Variants in PLEKHM3 observed in about 807,000 individuals in gnomAD.
PLEKHM3 encodes the protein pleckstrin homology domain containing M3, also known as pleckstrin homology domain-containing family M member 3.
PLEKHM3 carries 45 observed loss-of-function variants against 81.8 expected under a neutral mutation model. That is an observed-to-expected ratio of 0.55 (90% CI 0.43 to 0.71). PLEKHM3 has a LOEUF of 0.71. Among genes scored for constraint, PLEKHM3 ranks in the 30% least tolerant of loss-of-function variants. The probability of loss-of-function intolerance (pLI) is 0.00; values close to 1 mark genes in which losing one functional copy is unlikely to be tolerated. For synonymous variants in PLEKHM3, 352 were observed against 356.4 expected (o/e 0.99, Z 0.14); for missense variants, 788 against 924.3 (o/e 0.85, Z 1.91).
chr2:207,924,478 A>G (rs2105928450), intron 5 of PLEKHM3, among the ~76,000 whole-genome samples: 1 of 152,000 alleles, frequency 6.6e-6, no homozygotes, highest in Non-Finnish European at 1.5e-5. Flanking sequence ...TGAGGTCAGG[A>G]GTTCAAGACC....
At chr2:207,842,071 G>A (rs2092357468) in intron 7 of PLEKHM3, among the ~76,000 whole-genome samples, 1 of 152,162 alleles carries the variant, frequency 6.6e-6, no homozygotes. Flanking sequence ...CCCAGTAGCT[G>A]GGACTATAGG....
intron 1 of PLEKHM3, among the ~76,000 whole-genome samples, chr2:208,003,349 T>C (rs1015018375): frequency 6.6e-6 from 1 of 152,246 alleles, no homozygotes; most frequent in Non-Finnish European, 1.5e-5. Context: ...ATATATGTTA[T>C]CGCAAAGGTA....
In PLEKHM3 at chr2:207,929,496, T is replaced by C. The variant is rs76733507; in HGVS notation, c.1886+1430A>G. Among the ~76,000 whole-genome samples, 209 of 152,362 alleles carry C rather than the reference T, an allele frequency of 1.4e-3. 2 individuals carry two copies. In the East Asian group the frequency reaches 0.033, roughly 24 times the overall value. On this transcript the variant is annotated intron_variant, in intron 5 of 7. Transcript: ENST00000427836. ...AGCTCTGAGCAAAGCCAAAAGGTAC[T>C]GAAAATAATAGAACATACTTTGAAC...
intron 6 of PLEKHM3, among the ~76,000 whole-genome samples, chr2:207,868,339 T>A (rs1214542352): frequency 6.6e-6 from 1 of 152,044 alleles, no homozygotes; most frequent in African/African-American, 2.4e-5. Context: ...TATTTTCCAA[T>A]GGATAGTGGT....
intron 1 of PLEKHM3, among the ~76,000 whole-genome samples, chr2:208,016,266 C>T (rs979273184): frequency 1.9e-4 from 29 of 152,028 alleles, no homozygotes; most frequent in African/African-American, 9.7e-5. Context: ...GTTGGGGGGA[C>T]GGGCAAATAT....
At chr2:207,998,349 A>G (rs1692187843) in intron 2 of PLEKHM3, among the ~76,000 whole-genome samples, 1 of 152,136 alleles carries the variant, frequency 6.6e-6, no homozygotes, top group African/African-American at 2.4e-5. Context: ...ACTAAAAATA[A>G]TAACAATAAA....
At chr2:207,983,053 T>TTTTG (rs1239766365) in intron 2 of PLEKHM3, among the ~76,000 whole-genome samples, 1 of 138,068 alleles carries the variant, frequency 7.2e-6, no homozygotes, top group Non-Finnish European at 1.5e-5. Context: ...AAACATGGAT[T>TTTTG]TTTTTTTTTT....
At chr2:207,945,047 C>T (rs1426659942) in intron 4 of PLEKHM3, among the ~76,000 whole-genome samples, 5 of 152,210 alleles carry the variant, frequency 3.3e-5, no homozygotes, top group Admixed American at 3.3e-4. Flanking sequence ...GACCTTTGCT[C>T]CCACCACTCC....
Position 207,848,135 on chromosome 2 carries a change from G to C in PLEKHM3, c.2108+12970C>G, listed in dbSNP as rs567075275. Among the ~76,000 whole-genome samples, 6 of 152,292 alleles carry C rather than the reference G, an allele frequency of 3.9e-5. No homozygotes were observed. In the East Asian group the frequency reaches 9.6e-4, roughly 24 times the overall value. ...TGTGCAAGGACTCACAAAAACAAAGGCCGAGCAAATAGGAAGCCACGGGGA... is the reference window on the plus strand; with the variant it reads ...TGTGCAAGGACTCACAAAAACAAAGCCCGAGCAAATAGGAAGCCACGGGGA... On this transcript the variant is annotated intron_variant, in intron 7 of 7. Transcript: ENST00000427836.
intron 5 of PLEKHM3, among the ~76,000 whole-genome samples, chr2:207,909,591 T>C (rs887615884): frequency 2.0e-5 from 3 of 152,300 alleles, no homozygotes; most frequent in South Asian, 2.1e-4. Flanking sequence ...AATGTGGTAA[T>C]TGAAAATGAT....
intron 1 of PLEKHM3, among the ~76,000 whole-genome samples, chr2:208,012,520 T>C (rs1168704620): frequency 3.3e-5 from 5 of 152,188 alleles, no homozygotes; most frequent in Non-Finnish European, 7.3e-5. Context: ...ACAGGGGCCC[T>C]GATGTTAGTA....
intron 6 of PLEKHM3, among the ~76,000 whole-genome samples, chr2:207,890,996 C>T (rs1447530620): frequency 6.6e-6 from 1 of 152,088 alleles, no homozygotes; most frequent in Non-Finnish European, 1.5e-5. Context: ...GTTTTCTTAT[C>T]AGTAATGTGA....
chr2:207,936,163 T>A (rs1315500735), intron 4 of PLEKHM3, among the ~76,000 whole-genome samples: 1 of 152,134 alleles, frequency 6.6e-6, no homozygotes, highest in Non-Finnish European at 1.5e-5. Context: ...ATTTTTAAAT[T>A]TTTTGTAGAG....
chr2:207,923,905 A>ATATATTTTTTTTTT (rs1396762429), intron 5 of PLEKHM3, among the ~76,000 whole-genome samples: 1 of 28,336 alleles, frequency 3.5e-5, no homozygotes, highest in Non-Finnish European at 6.4e-5. Flanking sequence ...ATATATATAT[A>ATATATTTTTTTTTT]TTTTTTTTTT....
intron 7 of PLEKHM3, among the ~76,000 whole-genome samples, chr2:207,841,012 T>A (rs1370699563): frequency 1.3e-5 from 2 of 150,914 alleles, no homozygotes; most frequent in East Asian, 3.9e-4. Context: ...AAAGACAGGG[T>A]TTCACCATGT....
chr2:207,925,701 A>C (rs189236464), intron 5 of PLEKHM3, among the ~76,000 whole-genome samples: 1 of 152,054 alleles, frequency 6.6e-6, no homozygotes, highest in Non-Finnish European at 1.5e-5. Flanking sequence ...ACCCAGCTCT[A>C]ATCTTCAGCT....
intron 3 of PLEKHM3, among the ~76,000 whole-genome samples, chr2:207,965,033 G>T (rs576566137): frequency 6.6e-6 from 1 of 152,248 alleles, no homozygotes; most frequent in South Asian, 2.1e-4. Flanking sequence ...TTTCACTTAA[G>T]TATGTTTCTG....
At chr2:207,852,321 AC>A (rs1468352648) in intron 7 of PLEKHM3, among the ~76,000 whole-genome samples, 1 of 152,184 alleles carries the variant, frequency 6.6e-6, no homozygotes, top group East Asian at 1.9e-4. Context: ...AATGGAAGTT[AC>A]ACTATTTCCT....
At chr2:207,909,353 AC>A (rs1187729016) in intron 5 of PLEKHM3, among the ~76,000 whole-genome samples, 1 of 152,076 alleles carries the variant, frequency 6.6e-6, no homozygotes, top group Non-Finnish European at 1.5e-5. Context: ...CACAAACTAA[AC>A]CCAAAACAAA....
Sources: allele counts gnomAD v4.1 joint callset (sites outside exome capture counted in the v4.1 genomes callset), GRCh38; gene constraint gnomAD v4.1.1; transcripts MANE v1.5; gene names NCBI Gene and HGNC (gene_info 2026-07-23, HGNC 2026-07-21).